CDH13: variants seen among roughly 807,000 people sequenced by gnomAD.
CDH13 encodes the protein cadherin 13.
CDH13 carries 24 observed loss-of-function variants against 63.8 expected under a neutral mutation model. That is an observed-to-expected ratio of 0.38 (90% CI 0.27 to 0.53). CDH13 has a LOEUF of 0.53. Ranked by LOEUF, CDH13 falls within the 20% of genes least tolerant of loss-of-function variation. The pLI is 0.85. For missense variants in CDH13, 1,049 were observed against 903.1 expected (o/e 1.16, Z -2.07); for synonymous variants, 503 against 355.3 (o/e 1.42, Z -4.67).
At chr16:83,015,022 A>G (rs1914620672) in intron 2 of CDH13, among the ~76,000 whole-genome samples, 1 of 151,360 alleles carries the variant, frequency 6.6e-6, no homozygotes, top group East Asian at 1.9e-4. Flanking sequence ...TGCAGTCATA[A>G]AAAAGCAATC....
At chr16:82,971,898 T>G (rs11861829) in intron 2 of CDH13, among the ~76,000 whole-genome samples, 55 of 152,328 alleles carry the variant, frequency 3.6e-4, no homozygotes, top group African/African-American at 1.1e-3. Flanking sequence ...TACCCTTGTT[T>G]GCAGCGATTA....
intron 5 of CDH13, among the ~76,000 whole-genome samples, chr16:83,254,938 T>A (rs887113504): frequency 1.2e-4 from 14 of 117,834 alleles, no homozygotes; most frequent in Non-Finnish European, 3.8e-5. Flanking sequence ...TTTCTTGGAT[T>A]TTTTCTTTTT....
intron 4 of CDH13, among the ~76,000 whole-genome samples, chr16:83,130,046 A>G (rs571161483): frequency 1.5e-4 from 23 of 152,330 alleles, no homozygotes; most frequent in African/African-American, 5.3e-4. Flanking sequence ...CAACAAGCAT[A>G]TATTCAGCAT....
intron 4 of CDH13, among the ~76,000 whole-genome samples, chr16:83,209,768 C>A (rs952407558): frequency 4.0e-5 from 6 of 151,888 alleles, no homozygotes; most frequent in Non-Finnish European, 5.9e-5. Context: ...ACCTTGCAGG[C>A]GAGGAGGGCT....
intron 4 of CDH13, among the ~76,000 whole-genome samples, chr16:83,136,464 C>T (rs112072763): frequency 0.023 from 3,158 of 139,682 alleles, 121 homozygotes; most frequent in African/African-American, 0.081. Context: ...CCAGCCTGGG[C>T]GACAGAGCGG....
chr16:83,017,160 A>G (rs1260878480), intron 2 of CDH13, among the ~76,000 whole-genome samples: 1 of 152,188 alleles, frequency 6.6e-6, no homozygotes, highest in East Asian at 1.9e-4. Context: ...TAATGGGTGC[A>G]TAAGGATTTG....
chr16:82,921,056 C>G (rs1023585051), intron 2 of CDH13, among the ~76,000 whole-genome samples: 22 of 152,162 alleles, frequency 1.4e-4, no homozygotes, highest in African/African-American at 5.3e-4. Context: ...GAATATTAAA[C>G]CAACCTTGCA....
At chr16:83,779,405 TCAAAAAAAAAAAAAAAAAAA>T (rs1378479725) in intron 11 of CDH13, among the ~76,000 whole-genome samples, 7 of 67,786 alleles carry the variant, frequency 1.0e-4, no homozygotes, top group Non-Finnish European at 1.5e-4. Context: ...AGACTCCATC[TCAAAAAAAAAAAAAAAAAAA>T]AAAAAAAAAA....
At chr16:83,626,853 C>T (rs1910350997) in intron 8 of CDH13, among the ~76,000 whole-genome samples, 1 of 152,170 alleles carries the variant, frequency 6.6e-6, no homozygotes, top group Admixed American at 6.5e-5. Context: ...TAGGACGCCT[C>T]GGAATGGTCC....
chr16:83,258,066 A>G (rs1315022442), intron 5 of CDH13, among the ~76,000 whole-genome samples: 2 of 152,234 alleles, frequency 1.3e-5, no homozygotes, highest in African/African-American at 2.4e-5. Flanking sequence ...TTAAATGCAT[A>G]AAGTGATAAA....
intron 4 of CDH13, among the ~76,000 whole-genome samples, chr16:83,134,336 C>A (rs1360357890): frequency 6.6e-6 from 1 of 152,000 alleles, no homozygotes; most frequent in East Asian, 1.9e-4. Context: ...ATTACAGGCG[C>A]CCGCCACCAT....
intron 8 of CDH13, among the ~76,000 whole-genome samples, chr16:83,644,441 A>G (rs1417116718): frequency 3.3e-5 from 5 of 152,232 alleles, no homozygotes; most frequent in South Asian, 4.1e-4. Context: ...TTGAATGTAC[A>G]TCTTCACGTA....
chr16:83,334,568 G>C (rs772853779), intron 5 of CDH13, among the ~76,000 whole-genome samples: 1 of 151,316 alleles, frequency 6.6e-6, no homozygotes, highest in East Asian at 1.9e-4. Flanking sequence ...AGAGATGGCA[G>C]TCTCTCTACA....
intron 1 of CDH13, among the ~76,000 whole-genome samples, chr16:82,647,981 C>G (rs544409915): frequency 6.6e-6 from 1 of 152,128 alleles, no homozygotes; most frequent in Non-Finnish European, 1.5e-5. Flanking sequence ...ATAAGTCTCA[C>G]GAGATCTGAG....
intron 5 of CDH13, among the ~76,000 whole-genome samples, chr16:83,332,436 C>G (rs1459165761): frequency 2.0e-5 from 3 of 151,982 alleles, no homozygotes; most frequent in Admixed American, 6.6e-5. Flanking sequence ...CATTTTAACA[C>G]TTACTTAACA....
At chr16:82,870,224 C>A (rs955385421) in intron 2 of CDH13, among the ~76,000 whole-genome samples, 2 of 152,152 alleles carry the variant, frequency 1.3e-5, no homozygotes, top group Non-Finnish European at 2.9e-5. Context: ...TGTCCAACCT[C>A]ACTAATCATC....
At chr16:83,582,696 G>T (rs1306651711) in intron 7 of CDH13, among the ~76,000 whole-genome samples, 1 of 152,136 alleles carries the variant, frequency 6.6e-6, no homozygotes, top group Non-Finnish European at 1.5e-5. Flanking sequence ...GCCACAAATA[G>T]CATAAGACCG....
intron 9 of CDH13, among the ~76,000 whole-genome samples, chr16:83,676,394 T>A (rs1041117073): frequency 6.6e-6 from 1 of 152,184 alleles, no homozygotes; most frequent in Non-Finnish European, 1.5e-5. Flanking sequence ...CTCAGCGTCG[T>A]CATGGCCCAG....
chr16:82,790,957 G>T (rs147642890), intron 1 of CDH13, among the ~76,000 whole-genome samples: 31 of 152,366 alleles, frequency 2.0e-4, no homozygotes, highest in African/African-American at 5.5e-4. Context: ...TCCTAAGCCA[G>T]CTGTGCCTGG....
Sources: allele counts gnomAD v4.1 joint callset (sites outside exome capture counted in the v4.1 genomes callset), GRCh38; gene constraint gnomAD v4.1.1; transcripts MANE v1.5; gene names NCBI Gene and HGNC (gene_info 2026-07-23, HGNC 2026-07-21).